DYNC2H1: variants seen among roughly 807,000 people sequenced by gnomAD.
The protein encoded by DYNC2H1 is dynein cytoplasmic 2 heavy chain 1, also known as cytoplasmic dynein 2 heavy chain 1.
A neutral mutation model predicts 570.0 loss-of-function variants in DYNC2H1; 410 were observed. The observed-to-expected ratio is 0.72, with a 90% confidence interval of 0.66 to 0.78. DYNC2H1 has a LOEUF of 0.78. DYNC2H1 is among the 30% of genes least tolerant of loss of function. The pLI, the probability that DYNC2H1 is intolerant of heterozygous loss-of-function variation, is 0.00. For synonymous variants in DYNC2H1, 1,688 were observed against 1,677.6 expected (o/e 1.01, Z -0.15); for missense variants, 4,865 against 5,046.4 (o/e 0.96, Z 1.09).
At chr11:103,327,394 A>G (rs945606951) in intron 82 of DYNC2H1, among the ~76,000 whole-genome samples, 5 of 152,140 alleles carry the variant, frequency 3.3e-5, no homozygotes, top group Non-Finnish European at 7.4e-5. Context: ...ACAATACTTA[A>G]GCAAATAAGG....
At chr11:103,339,229 A>G (rs1939313405) in intron 82 of DYNC2H1, among the ~76,000 whole-genome samples, 1 of 152,044 alleles carries the variant, frequency 6.6e-6, no homozygotes, top group Non-Finnish European at 1.5e-5. Context: ...TGATACCTGC[A>G]GTCCTGTGGT....
intron 82 of DYNC2H1, among the ~76,000 whole-genome samples, chr11:103,341,834 G>A (rs531911113): frequency 6.6e-6 from 1 of 152,124 alleles, no homozygotes; most frequent in Non-Finnish European, 1.5e-5. Context: ...CTAATGTTGT[G>A]CACTTGTAAA....
chr11:103,172,172 G>T (rs1591357000), intron 34 of DYNC2H1, among the ~76,000 whole-genome samples: 1 of 152,140 alleles, frequency 6.6e-6, no homozygotes, highest in East Asian at 1.9e-4. Context: ...CAAAGAAAAA[G>T]AGAAGAAACT....
chr11:103,191,579 C>T lies in DYNC2H1; in HGVS notation c.7500C>T (p.Thr2500=). The change falls in exon 46 of 89, where the codon ACC becomes ACT. Residue 2500 remains threonine, a synonymous_variant. Coordinates refer to ENST00000375735, the MANE Select transcript of DYNC2H1 (RefSeq NM_001377.3). ...SHYFFTPCIL[T]QWVLGLFRYD... ...ATTTCTTTACTCCTTGCATTCTTAC[C>T]CAATGGGTTCTTGGCTTATTTAGAT... 2 of 1,609,862 alleles carry T rather than the reference C, an allele frequency of 1.2e-6. No individual in the cohort carries two copies. Among genetic ancestry groups the T allele is most frequent in the Non-Finnish European group, 1.7e-6 (2 of 1,178,054 alleles).
intron 85 of DYNC2H1, among the ~76,000 whole-genome samples, chr11:103,443,639 C>T (rs1286960613): frequency 1.3e-5 from 2 of 149,504 alleles, no homozygotes; most frequent in African/African-American, 5.0e-5. Context: ...TATTGGTAAT[C>T]TATGTCAGTG....
In DYNC2H1 at chr11:103,185,994, C is replaced by A. The variant is rs1286465852; in HGVS notation, c.6634-248C>A. Among the ~76,000 whole-genome samples, 2 of 151,728 alleles carry A rather than the reference C, an allele frequency of 1.3e-5. No individual in the cohort carries two copies. The highest frequency in any genetic ancestry group is 2.9e-5 in the Non-Finnish European group (2 of 67,900). ...TCCATTAAAATGGAATATATTTATA[C>A]CTTAGTGTATAAATAAATATCCACT... On this transcript the variant is annotated intron_variant, in intron 41 of 88. Transcript: ENST00000375735. The surrounding 1 kb of genome is among the most constrained non-coding windows in gnomAD (Gnocchi z 4.5).
intron 83 of DYNC2H1, among the ~76,000 whole-genome samples, chr11:103,398,351 A>G (rs1259659694): frequency 1.3e-5 from 2 of 152,186 alleles, no homozygotes; most frequent in African/African-American, 4.8e-5. Flanking sequence ...AAATGATTTC[A>G]GAGTATTAAT....
At chr11:103,349,673 T>A (rs1466377608) in intron 82 of DYNC2H1, among the ~76,000 whole-genome samples, 1 of 152,172 alleles carries the variant, frequency 6.6e-6, no homozygotes, top group Non-Finnish European at 1.5e-5. Context: ...TAAATACACT[T>A]CGGTGACAGG....
chr11:103,371,087 C>G (rs1193736223), intron 83 of DYNC2H1, among the ~76,000 whole-genome samples: 1 of 151,984 alleles, frequency 6.6e-6, no homozygotes, highest in Non-Finnish European at 1.5e-5. Flanking sequence ...AGAATTCTAT[C>G]AGGTAAATTT....
Position 103,472,335 on chromosome 11 carries a change from G to A in DYNC2H1, c.12765+3630G>A, listed in dbSNP as rs185868375. Among the ~76,000 whole-genome samples the A allele has an allele frequency of 9.7e-3, 1,463 of 151,446 alleles. 23 individuals are homozygous for A. The highest frequency in any genetic ancestry group is 0.033 in the African/African-American group (1,381 of 41,286). On this transcript the variant is annotated intron_variant, in intron 88 of 88. Transcript: ENST00000375735. This position sits in a 1 kb window ranked among gnomAD's most constrained non-coding sequence, Gnocchi z 4.1. ...AGCCCAGGAGTTAGAGCCTGGCTTGGGCAACATAGCAAGACCCCATCTTTA... is the reference window on the plus strand; with the variant it reads ...AGCCCAGGAGTTAGAGCCTGGCTTGAGCAACATAGCAAGACCCCATCTTTA...
chr11:103,132,934 G>A (rs927529667), intron 13 of DYNC2H1, among the ~76,000 whole-genome samples: 1 of 151,960 alleles, frequency 6.6e-6, no homozygotes, highest in Non-Finnish European at 1.5e-5. Context: ...CTGTGAGTGG[G>A]GTGGGAGCTC....
chr11:103,445,840 G>A (rs183485144), intron 85 of DYNC2H1, among the ~76,000 whole-genome samples: 1,542 of 152,168 alleles, frequency 0.01, 11 homozygotes, highest in Non-Finnish European at 0.017. Flanking sequence ...TTTTAGTAGA[G>A]ACGGGGTTTC....
intron 21 of DYNC2H1, 132 bp from the exon 22 acceptor site, chr11:103,153,171 C>A (rs1860648031): frequency 2.8e-6 from 2 of 704,202 alleles, no homozygotes; most frequent in South Asian, 2.1e-5. Context: ...AAAATAACAA[C>A]CATCCTTTGA....
rs1236006567 is a variant in DYNC2H1 at position 103,324,981 on chromosome 11, CAT to C, written c.12039+994_12039+995del. The stretch of plus-strand genomic sequence containing the variant: ...ATGATCACAATGTCAAATATTTTTT[CAT>C]ATGTTTATTGGCCGTATGTATGTCT... On this transcript the variant is annotated intron_variant, in intron 82 of 88. Transcript: ENST00000375735. This position sits in a 1 kb window ranked among gnomAD's most constrained non-coding sequence, Gnocchi z 5.2. 6.6e-6 allele frequency among the ~76,000 whole-genome samples: 1 copy of C among 152,086 alleles called. No homozygotes were observed. The highest frequency in any genetic ancestry group is 2.4e-5 in the African/African-American group (1 of 41,428).
rs543525711 is a variant in DYNC2H1 at position 103,255,460 on chromosome 11, C to T, written c.10252C>T (p.Gln3418Ter). ...GCATGAGAAACCTGATTTAGAAGAA[C>T]AGAAAACAAAACTATTACAACAGGA... ...IQHEKPDLEE[Q>*]KTKLLQQEED... Residue 3418 changes from glutamine to a stop codon, truncating the protein, a stop_gained, in exon 67 of 89, where the codon CAG becomes TAG. Coordinates refer to ENST00000375735, the MANE Select transcript of DYNC2H1 (RefSeq NM_001377.3). LOFTEE classifies it high-confidence loss of function. The T allele has an allele frequency of 1.3e-6, 2 of 1,568,664 alleles. No individual in the cohort carries two copies. The highest frequency in any genetic ancestry group is 1.7e-6 in the Non-Finnish European group (2 of 1,155,778).
At chr11:103,274,271 G>T (rs933431773) in intron 70 of DYNC2H1, among the ~76,000 whole-genome samples, 8 of 151,926 alleles carry the variant, frequency 5.3e-5, no homozygotes, top group Admixed American at 5.2e-4. Context: ...AAGGTGGAAG[G>T]ATCACTTGAG....
intron 63 of DYNC2H1, among the ~76,000 whole-genome samples, chr11:103,240,553 A>T (rs1235555209): frequency 6.6e-6 from 1 of 152,100 alleles, no homozygotes; most frequent in East Asian, 1.9e-4. Context: ...CGTCATTCTT[A>T]CTATGTCTCT....
At chr11:103,206,564 GAGAGATGA>G (rs1156940930) in intron 52 of DYNC2H1, among the ~76,000 whole-genome samples, 1 of 152,108 alleles carries the variant, frequency 6.6e-6, no homozygotes, top group African/African-American at 2.4e-5. Flanking sequence ...TAAGAAACTG[GAGAGATGA>G]AGAGGAAGAA....
At chr11:103,175,923 C>T (rs915453077) in intron 36 of DYNC2H1, among the ~76,000 whole-genome samples, 2 of 152,006 alleles carry the variant, frequency 1.3e-5, no homozygotes, top group East Asian at 1.9e-4. Context: ...AGGATTACAT[C>T]ATATAATATA....
Sources: gnomAD v4.1 joint callset for allele counts (sites outside exome capture counted in the v4.1 genomes callset) on GRCh38, gnomAD v4.1.1 for gene constraint, Gnocchi (gnomAD v3.1) non-coding constraint, MANE v1.5 for transcripts, NCBI Gene and HGNC (gene_info 2026-07-23, HGNC 2026-07-21) for gene names.